The following CDK14 variants were observed in gnomAD, a reference collection of about 807,000 sequenced individuals.
CDK14 encodes the protein cyclin dependent kinase 14, also known as cyclin-dependent kinase 14.
A neutral mutation model predicts 60.7 loss-of-function variants in CDK14; 34 were observed. The ratio of observed to expected loss-of-function variants is 0.56; its 90% CI spans 0.43 to 0.75. The LOEUF (loss-of-function observed/expected upper bound fraction) is 0.75. CDK14 is among the 30% of genes least tolerant of loss of function. The pLI is 0.00. For synonymous variants in CDK14, 197 were observed against 203.7 expected (o/e 0.97, Z 0.28); for missense variants, 482 against 564.1 (o/e 0.85, Z 1.47).
chr7:90,907,018 G>A (rs925244244), intron 7 of CDK14, among the ~76,000 whole-genome samples: 5 of 151,940 alleles, frequency 3.3e-5, no homozygotes, highest in African/African-American at 1.2e-4. Flanking sequence ...ATAACAAATG[G>A]TTTATTTCTA....
chr7:90,842,533 T>C (rs1790333303), intron 5 of CDK14, among the ~76,000 whole-genome samples: 1 of 152,076 alleles, frequency 6.6e-6, no homozygotes, highest in Non-Finnish European at 1.5e-5. Flanking sequence ...GAAAGACTTT[T>C]GAAACAAAAA....
chr7:90,682,420 G>A (rs551959697), intron 2 of CDK14, among the ~76,000 whole-genome samples: 2 of 152,038 alleles, frequency 1.3e-5, no homozygotes, highest in South Asian at 2.1e-4. Context: ...ATCATCTGTC[G>A]GTCTATTGTG....
At chr7:90,623,077 A>G (rs951917994) in intron 2 of CDK14, among the ~76,000 whole-genome samples, 1 of 150,550 alleles carries the variant, frequency 6.6e-6, no homozygotes, top group African/African-American at 2.4e-5. Flanking sequence ...TTCTCGTATT[A>G]TATATATATT....
intron 5 of CDK14, among the ~76,000 whole-genome samples, chr7:90,808,520 T>C (rs1031956066): frequency 4.4e-4 from 67 of 152,090 alleles, no homozygotes; most frequent in African/African-American, 1.6e-3. Flanking sequence ...ACATGCCAAG[T>C]TGTAAAGACC....
At chr7:91,131,061 G>T (rs1256106393) in intron 14 of CDK14, among the ~76,000 whole-genome samples, 1 of 151,936 alleles carries the variant, frequency 6.6e-6, no homozygotes, top group African/African-American at 2.4e-5. Flanking sequence ...GTAGCAGTCA[G>T]TCAGATTAGG....
intron 14 of CDK14, among the ~76,000 whole-genome samples, chr7:91,191,349 GGAGT>G (rs1802355953): frequency 2.6e-5 from 4 of 151,820 alleles, no homozygotes; most frequent in Admixed American, 2.6e-4. Flanking sequence ...GAAAATAAAG[GGAGT>G]GAGTCTCTTT....
chr7:90,946,074 G>A (rs879687507), intron 8 of CDK14, among the ~76,000 whole-genome samples: 3 of 152,168 alleles, frequency 2.0e-5, no homozygotes, highest in South Asian at 2.1e-4. Context: ...ACAGTGGAGT[G>A]GAGGCAGAAT....
At chr7:90,716,952 T>C (rs946461031) in intron 2 of CDK14, among the ~76,000 whole-genome samples, 29 of 152,064 alleles carry the variant, frequency 1.9e-4, no homozygotes, top group African/African-American at 6.8e-4. Context: ...AGAACTGCAG[T>C]GGGTCTGAGA....
chr7:91,149,011 GCTTA>G (rs1800744324), intron 14 of CDK14, among the ~76,000 whole-genome samples: 1 of 152,088 alleles, frequency 6.6e-6, no homozygotes, highest in African/African-American at 2.4e-5. Flanking sequence ...AGTAGTCCTG[GCTTA>G]CTGTTAATAA....
intron 5 of CDK14, among the ~76,000 whole-genome samples, chr7:90,851,655 A>T (rs958284736): frequency 3.9e-5 from 6 of 152,076 alleles, no homozygotes; most frequent in Admixed American, 2.6e-4. Context: ...TGATAAGGTT[A>T]CCTCTTTCTC....
chr7:90,676,527 ATTTTTTTTTTTTTTT>A (rs60056655), intron 2 of CDK14, among the ~76,000 whole-genome samples: 1 of 142,034 alleles, frequency 7.0e-6, no homozygotes, highest in African/African-American at 2.6e-5. Context: ...TAGATGTTTC[ATTTTTTTTTTTTTTT>A]TTTTTTTTGA....
intron 12 of CDK14, among the ~76,000 whole-genome samples, chr7:91,097,365 G>A (rs1349218052): frequency 1.3e-5 from 2 of 151,708 alleles, no homozygotes. Flanking sequence ...TGGGTGACAA[G>A]GGCGAAACTC....
chr7:90,694,444 T>A (rs1290090662), intron 2 of CDK14, among the ~76,000 whole-genome samples: 2 of 152,212 alleles, frequency 1.3e-5, no homozygotes, highest in Non-Finnish European at 2.9e-5. Context: ...ATATTAGGTA[T>A]TGAAATCAAG....
chr7:90,682,650 C>T (rs566474867), intron 2 of CDK14, among the ~76,000 whole-genome samples: 106 of 152,178 alleles, frequency 7.0e-4, no homozygotes, highest in African/African-American at 2.3e-3. Context: ...CCAATTCTGT[C>T]AGTTAACCCA....
rs574016883 is a variant in CDK14, at chr7:91,045,905, A to G, written c.1050A>G (p.Gly350=). 7 of 1,609,400 alleles carry G rather than the reference A, an allele frequency of 4.3e-6. No individual in the cohort carries two copies. The South Asian group carries it at 6.6e-5, about 15-fold the overall frequency. Residue 350 remains glycine (G), a synonymous_variant, in exon 11 of 15, where the codon GGA becomes GGG. Coordinates refer to ENST00000380050, the MANE Select transcript of CDK14 (RefSeq NM_001287135.2). Reference sequence around the variant, plus strand: ...CTCCTACTCTCCACTAGGTTCTTGGAACACCAAATGAGGACACATGGCCTG... The same window carrying G: ...CTCCTACTCTCCACTAGGTTCTTGGGACACCAAATGAGGACACATGGCCTG... ...DQLERIFLVL[G]TPNEDTWPGV... is the part of the protein sequence containing the mutation.
intron 12 of CDK14, among the ~76,000 whole-genome samples, chr7:91,079,776 G>A (rs1311862848): frequency 6.6e-6 from 1 of 152,144 alleles, no homozygotes; most frequent in Non-Finnish European, 1.5e-5. Flanking sequence ...TTTTGTATCA[G>A]CAACATAGCA....
At chr7:90,866,608 C>T (rs1223225206) in intron 6 of CDK14, among the ~76,000 whole-genome samples, 1 of 152,116 alleles carries the variant, frequency 6.6e-6, no homozygotes, top group East Asian at 1.9e-4. Flanking sequence ...CTATGTAATT[C>T]AAGTTTTACC....
chr7:90,782,191 A>C (rs906674623), intron 4 of CDK14, among the ~76,000 whole-genome samples: 1 of 152,016 alleles, frequency 6.6e-6, no homozygotes, highest in African/African-American at 2.4e-5. Context: ...TGTGAATGGG[A>C]GTTCACTCAT....
chr7:90,695,416 A>G (rs1386565925), intron 2 of CDK14, among the ~76,000 whole-genome samples: 4 of 152,234 alleles, frequency 2.6e-5, no homozygotes, highest in Non-Finnish European at 5.9e-5. Context: ...AAGAGTATAG[A>G]AATGACTTAC....
Sources: gnomAD v4.1 joint callset for allele counts (sites outside exome capture counted in the v4.1 genomes callset) on GRCh38, gnomAD v4.1.1 for gene constraint, MANE v1.5 for transcripts, NCBI Gene and HGNC (gene_info 2026-07-23, HGNC 2026-07-21) for gene names.